GDA: variants seen among roughly 807,000 people sequenced by gnomAD.
The protein encoded by GDA is guanine deaminase, also known as cytoplasmic PSD-95 interactor.
In GDA, 18 loss-of-function variants were observed where a neutral mutation model predicts 59.6. The observed-to-expected ratio is 0.30, with a 90% CI of 0.21 to 0.45. The LOEUF (loss-of-function observed/expected upper bound fraction) is 0.45. GDA is among the 20% of genes least tolerant of loss of function. The pLI is 1.00. For synonymous variants in GDA, 201 were observed against 201.1 expected (o/e 1.00, Z 0.00); for missense variants, 427 against 552.3 (o/e 0.77, Z 2.27).
chr9:72,223,194 C>A lies in GDA; in HGVS notation c.681C>A (p.Gly227=). The A allele has an allele frequency of 6.2e-7, 1 of 1,612,294 alleles. No homozygotes were observed. The highest frequency in any genetic ancestry group is 8.5e-7 in the Non-Finnish European group (1 of 1,178,462). ...CTGAGACTTTGATGGGTGAACTGGG[C>A]AACATTGCTAAAACCCGTGATTTGC... The part of the protein sequence containing the change: ...SCSETLMGEL[G]NIAKTRDLHI... The change falls in exon 7 of 14, where the codon GGC becomes GGA. Residue 227 remains glycine, a synonymous_variant. Transcript: ENST00000358399.
intron 1 of GDA, among the ~76,000 whole-genome samples, chr9:72,141,452 T>C (rs1165951258): frequency 6.6e-6 from 1 of 152,144 alleles, no homozygotes; most frequent in Non-Finnish European, 1.5e-5. Context: ...GAGAATTCCT[T>C]AGAATTTTTT....
intron 3 of GDA, among the ~76,000 whole-genome samples, chr9:72,207,075 AT>A (rs1186364741): frequency 3.3e-5 from 5 of 151,780 alleles, no homozygotes; most frequent in Non-Finnish European, 5.9e-5. Flanking sequence ...GGCCTTTGAG[AT>A]TTTTTTCTTC....
At chr9:72,120,821 A>C (rs574728333) in intron 1 of GDA, among the ~76,000 whole-genome samples, 5 of 152,282 alleles carry the variant, frequency 3.3e-5, no homozygotes, top group Admixed American at 2.6e-4. Flanking sequence ...ACACTTCAGC[A>C]TCATTCGGGA....
chr9:72,244,155 C>T (rs1225083878), intron 11 of GDA, among the ~76,000 whole-genome samples: 1 of 147,596 alleles, frequency 6.8e-6, no homozygotes. Context: ...CCAGCCTAGG[C>T]GACAGAGCAA....
At chr9:72,226,696 A>G (rs1030980019) in intron 8 of GDA, among the ~76,000 whole-genome samples, 1 of 152,260 alleles carries the variant, frequency 6.6e-6, no homozygotes, top group Non-Finnish European at 1.5e-5. Context: ...CTTTGCATAA[A>G]TCATGTAAAA....
intron 2 of GDA, among the ~76,000 whole-genome samples, chr9:72,197,203 C>T (rs1833302619): frequency 6.6e-6 from 1 of 152,122 alleles, no homozygotes; most frequent in Admixed American, 6.5e-5. Flanking sequence ...GAAGCTCATC[C>T]CTGGTCATAG....
At chr9:72,164,913 C>T (rs952275086) in intron 1 of GDA, among the ~76,000 whole-genome samples, 1 of 150,086 alleles carries the variant, frequency 6.7e-6, no homozygotes, top group Non-Finnish European at 1.5e-5. Context: ...TGGCGTGAAA[C>T]CGGGAGGCGG....
chr9:72,238,415 T>G (rs1839253308), intron 10 of GDA, among the ~76,000 whole-genome samples: 1 of 152,208 alleles, frequency 6.6e-6, no homozygotes, highest in South Asian at 2.1e-4. Flanking sequence ...AACAACTTAT[T>G]GTTAATATAT....
chr9:72,187,751 G>T (rs920876083), intron 1 of GDA, among the ~76,000 whole-genome samples: 2 of 152,160 alleles, frequency 1.3e-5, no homozygotes, highest in Non-Finnish European at 2.9e-5. Flanking sequence ...AGAGAAGACT[G>T]GGGAAAGTTT....
chr9:72,130,430 A>AC (rs1253075267), intron 1 of GDA, among the ~76,000 whole-genome samples: 12 of 152,312 alleles, frequency 7.9e-5, no homozygotes, highest in African/African-American at 2.9e-4. Flanking sequence ...CAAAAAAGTG[A>AC]CCATTAAGAA....
chr9:72,255,346 G>T (rs1840859314), downstream of GDA, among the ~76,000 whole-genome samples: 1 of 152,170 alleles, frequency 6.6e-6, no homozygotes, highest in African/African-American at 2.4e-5. Context: ...AGTGTCTTAT[G>T]CTAATGAGCA....
chr9:72,187,252 C>G (rs10781080), intron 1 of GDA, among the ~76,000 whole-genome samples: 50,484 of 152,038 alleles, frequency 0.33, 8,829 homozygotes, highest in East Asian at 0.56. Context: ...CATTGTAATA[C>G]TATTAAGAGG....
chr9:72,189,166 CTTTTTTTT>C (rs71493640), intron 1 of GDA, among the ~76,000 whole-genome samples: 7 of 54,938 alleles, frequency 1.3e-4, no homozygotes, highest in African/African-American at 6.9e-4. Flanking sequence ...AGACTCTAGA[CTTTTTTTT>C]TTTTTTTTTT....
intron 3 of GDA, among the ~76,000 whole-genome samples, chr9:72,204,588 A>G (rs1440261588): frequency 6.6e-6 from 1 of 152,226 alleles, no homozygotes; most frequent in Non-Finnish European, 1.5e-5. Context: ...AAGCATATCT[A>G]TGCTTCATAC....
At position 72,250,451 on chromosome 9, in the gene GDA, G is replaced by C; in HGVS notation, c.*2109G>C. ...CATTTAAATTTAGCTCTGATAGTGT[G>C]TTAAGACCTGAATATCTTTCCTAGT... On this transcript the variant is annotated 3_prime_UTR_variant, in exon 14 of 14. Coordinates refer to ENST00000358399, the MANE Select transcript of GDA (RefSeq NM_004293.5). The C allele has an allele frequency of 7.8e-7, 1 of 1,279,748 alleles. No homozygotes were observed. The highest frequency in any genetic ancestry group is 9.9e-7 in the Non-Finnish European group (1 of 1,006,816). 79.3% of individuals were successfully genotyped at this position (1,279,748 alleles called of 1,614,324 possible). A position where few individuals can be genotyped will look rare whatever the true frequency, so the allele number is the denominator to read the frequency against.
At chr9:72,141,637 G>A (rs11143130) in intron 1 of GDA, among the ~76,000 whole-genome samples, 18,586 of 152,092 alleles carry the variant, frequency 0.12, 2,376 homozygotes, top group African/African-American at 0.32. Flanking sequence ...CAGGAACATG[G>A]AGTCTAGGAA....
chr9:72,132,239 A>T (rs1412893162), intron 1 of GDA, among the ~76,000 whole-genome samples: 1 of 152,204 alleles, frequency 6.6e-6, no homozygotes, highest in East Asian at 1.9e-4. Context: ...CTGGGAGAAT[A>T]TGCCTGAGAG....
At chr9:72,144,060 A>G (rs1229919748) in intron 1 of GDA, among the ~76,000 whole-genome samples, 1 of 152,130 alleles carries the variant, frequency 6.6e-6, no homozygotes, top group African/African-American at 2.4e-5. Flanking sequence ...CATCTCTACT[A>G]AAAACACAAA....
intron 1 of GDA, among the ~76,000 whole-genome samples, chr9:72,128,202 A>G (rs1390775102): frequency 6.7e-6 from 1 of 149,788 alleles, no homozygotes; most frequent in East Asian, 1.9e-4. Flanking sequence ...CTGCTTCCAG[A>G]CCTATTACTA....
Sources: gnomAD v4.1 joint callset for allele counts (sites outside exome capture counted in the v4.1 genomes callset) on GRCh38, gnomAD v4.1.1 for gene constraint, MANE v1.5 for transcripts, NCBI Gene and HGNC (gene_info 2026-07-23, HGNC 2026-07-21) for gene names.